The following SPAG16 variants were observed in gnomAD, a reference collection of about 807,000 sequenced individuals.
SPAG16 encodes the protein sperm associated antigen 16.
SPAG16 carries 86 observed loss-of-function variants against 80.4 expected under a neutral mutation model. That is an observed-to-expected ratio of 1.07 (90% CI 0.90 to 1.28). The LOEUF is 1.28. Ranked by LOEUF, SPAG16 falls within the 50% of genes most tolerant of loss-of-function variation. The pLI is 0.00. For missense variants in SPAG16, 870 were observed against 765.3 expected (o/e 1.14, Z -1.61); for synonymous variants, 294 against 265.9 (o/e 1.11, Z -1.03).
chr2:213,575,792 T>C (rs893893775), intron 10 of SPAG16, among the ~76,000 whole-genome samples: 2 of 152,198 alleles, frequency 1.3e-5, no homozygotes, highest in African/African-American at 2.4e-5. Context: ...GTAGGATTAT[T>C]ATCACAGAAA....
intron 4 of SPAG16, 79 bp from the exon 5 acceptor site, chr2:213,317,140 A>G: frequency 2.3e-6 from 2 of 851,672 alleles, no homozygotes; most frequent in East Asian, 4.9e-5. Context: ...CCTGAGACTT[A>G]ACTTTTTGAA....
intron 10 of SPAG16, among the ~76,000 whole-genome samples, chr2:213,841,793 T>C (rs1400052134): frequency 6.6e-6 from 1 of 152,136 alleles, no homozygotes; most frequent in Admixed American, 6.6e-5. Flanking sequence ...TATATCAATG[T>C]TTTGGGGCTT....
chr2:213,474,256 C>T (rs2073253872), intron 9 of SPAG16, among the ~76,000 whole-genome samples: 1 of 152,184 alleles, frequency 6.6e-6, no homozygotes, highest in Admixed American at 6.5e-5. Flanking sequence ...TGCACATGCA[C>T]TTTTTGTTGT....
intron 5 of SPAG16, among the ~76,000 whole-genome samples, chr2:213,335,209 G>A (rs151149200): frequency 6.6e-6 from 1 of 152,082 alleles, no homozygotes. Flanking sequence ...ATTCAAAAAG[G>A]TTGTCACAAA....
intron 13 of SPAG16, among the ~76,000 whole-genome samples, chr2:214,033,544 A>T (rs2048531423): frequency 6.6e-6 from 1 of 152,186 alleles, no homozygotes; most frequent in African/African-American, 2.4e-5. Context: ...TGACACAAAA[A>T]GATTATATTC....
intron 9 of SPAG16, among the ~76,000 whole-genome samples, chr2:213,433,721 C>T (rs969027475): frequency 2.6e-5 from 4 of 151,920 alleles, no homozygotes; most frequent in African/African-American, 9.7e-5. Context: ...ATACCAATGT[C>T]ATTATAAAGA....
At chr2:214,055,444 G>A (rs922909262) in intron 13 of SPAG16, among the ~76,000 whole-genome samples, 1 of 151,982 alleles carries the variant, frequency 6.6e-6, no homozygotes, top group Admixed American at 6.6e-5. Context: ...CACTTTCCAA[G>A]CCTTTATTCC....
intron 13 of SPAG16, among the ~76,000 whole-genome samples, chr2:214,092,847 C>A (rs530250489): frequency 6.6e-6 from 1 of 152,156 alleles, no homozygotes; most frequent in South Asian, 2.1e-4. Flanking sequence ...AGGACCTGGC[C>A]TTTTCTATGT....
At position 213,862,508 on chromosome 2, in the gene SPAG16, A is replaced by G. The variant is rs1477677130; in HGVS notation, c.1094A>G (p.Asp365Gly). ...VSCVSMQPHK[D>G]ILVSCGEDRL... ...AGTGTCTCCATGCAACCCCACAAAG[A>G]CATCCTAGTCTCCTGTGGCGAGGAC... The change falls in exon 11 of 16, where the codon GAC becomes GGC. Residue 365 changes from aspartate (D) to glycine (G), a missense_variant. Transcript: ENST00000331683. 1.2e-6 allele frequency: 2 copies of G among 1,613,998 alleles called. No homozygotes were observed. The highest frequency in any genetic ancestry group is 1.7e-6 in the Non-Finnish European group (2 of 1,179,982).
At chr2:213,817,891 G>A (rs1246353565) in intron 10 of SPAG16, among the ~76,000 whole-genome samples, 3 of 152,150 alleles carry the variant, frequency 2.0e-5, no homozygotes, top group African/African-American at 7.2e-5. Context: ...TGGGTGGTGT[G>A]ATCAGTTGTA....
intron 15 of SPAG16, among the ~76,000 whole-genome samples, chr2:214,326,041 T>C (rs1696454100): frequency 1.3e-5 from 2 of 152,170 alleles, no homozygotes; most frequent in Admixed American, 1.3e-4. Flanking sequence ...AATGTGTCAA[T>C]GTCATTTTAT....
At chr2:214,394,868 C>T (rs1350470430) in intron 15 of SPAG16, among the ~76,000 whole-genome samples, 2 of 152,202 alleles carry the variant, frequency 1.3e-5, no homozygotes, top group African/African-American at 4.8e-5. Context: ...GCCTATTCAT[C>T]CCTACCTCCC....
rs73987909 is a variant in SPAG16 at position 213,285,902 on chromosome 2, G to T, written c.136+1283G>T. On this transcript the variant is annotated intron_variant, in intron 1 of 15. Coordinates refer to ENST00000331683, the MANE Select transcript of SPAG16 (RefSeq NM_024532.5). The stretch of plus-strand genomic sequence containing the variant: ...CTTCCTAAGCTTATCTATATCCAGT[G>T]CCCTTGCTACTGAATGGTAACCAGG... 1.5e-4 allele frequency: 198 copies of T among 1,289,362 alleles called. No individual in the cohort carries two copies. In the African/African-American group the frequency reaches 2.9e-3, roughly 19 times the overall value. The allele number at this position is 1,289,362 out of a possible 1,614,324, so 79.9% of individuals were successfully genotyped here. A position where few individuals can be genotyped will look rare whatever the true frequency, so the allele number is the denominator to read the frequency against.
chr2:213,848,271 T>C (rs2074728564), intron 10 of SPAG16, among the ~76,000 whole-genome samples: 3 of 152,212 alleles, frequency 2.0e-5, no homozygotes, highest in Admixed American at 1.3e-4. Context: ...ATTATCTCTT[T>C]ATTTTTGCTT....
intron 9 of SPAG16, among the ~76,000 whole-genome samples, chr2:213,437,968 A>T (rs1241167068): frequency 6.6e-6 from 1 of 152,184 alleles, no homozygotes; most frequent in Non-Finnish European, 1.5e-5. Context: ...TAGCTAAAAG[A>T]TGGAAAATTA....
At chr2:214,300,261 G>A (rs1694451422) in intron 15 of SPAG16, among the ~76,000 whole-genome samples, 1 of 151,994 alleles carries the variant, frequency 6.6e-6, no homozygotes. Context: ...ATTGTTAAAA[G>A]CTATAAATAT....
At chr2:213,794,209 C>T (rs535545032) in intron 10 of SPAG16, among the ~76,000 whole-genome samples, 2 of 151,984 alleles carry the variant, frequency 1.3e-5, no homozygotes, top group African/African-American at 2.4e-5. Flanking sequence ...TAAAAAGACT[C>T]GCTGAATTTG....
chr2:213,422,216 C>T (rs1053053239), intron 9 of SPAG16: 2 of 701,526 alleles, frequency 2.9e-6, no homozygotes, highest in African/African-American at 1.7e-5. Context: ...CTGTGACACC[C>T]TCTTTGGGGC....
intron 10 of SPAG16, among the ~76,000 whole-genome samples, chr2:213,719,257 C>T (rs1013654978): frequency 6.6e-6 from 1 of 151,776 alleles, no homozygotes; most frequent in African/African-American, 2.4e-5. Context: ...CTTGGAGAAC[C>T]TTTATGTCTA....
Sources: allele counts gnomAD v4.1 joint callset (sites outside exome capture counted in the v4.1 genomes callset), GRCh38; gene constraint gnomAD v4.1.1; transcripts MANE v1.5; gene names NCBI Gene and HGNC (gene_info 2026-07-23, HGNC 2026-07-21).